Variants in NUAK2 observed in about 807,000 individuals in gnomAD.
NUAK2 encodes the protein NUAK family kinase 2.
A neutral mutation model predicts 29.8 loss-of-function variants in NUAK2; 20 were observed. The observed-to-expected ratio is 0.67, with a 90% CI of 0.47 to 0.98. The LOEUF (loss-of-function observed/expected upper bound fraction) is 0.98. NUAK2 is among the 50% of genes least tolerant of loss of function. The pLI is 0.00. For missense variants in NUAK2, 719 were observed against 834.5 expected (o/e 0.86, Z 1.71); for synonymous variants, 331 against 342.6 (o/e 0.97, Z 0.37).
chr1:205,304,331 G>C lies in NUAK2; in HGVS notation c.1006C>G (p.Leu336Val), dbSNP rs1265007144. Residue 336 changes from leucine to valine, a missense_variant, in exon 7 of 7, where the codon CTC (leucine) becomes GTC (valine). Leu to Val is a conservative substitution (Grantham distance 32). This residue lies in a region of NUAK2 where 430 missense variants were observed against 465.7 expected (regional missense o/e 0.92). Transcript: ENST00000367157. This position sits in a 1 kb window ranked among gnomAD's most constrained non-coding sequence, Gnocchi z 6.5. ...AGGAGGGGGCGGGAGGAACGCCGGA[G>C]CCAGTCAGCCATGGAGGCGCGGGCA... ...DSARASMADW[L>V]RRSSRPLLEN... 1 of 1,610,154 alleles carries C rather than the reference G, an allele frequency of 6.2e-7. No individual in the cohort carries two copies. The highest frequency in any genetic ancestry group is 8.5e-7 in the Non-Finnish European group (1 of 1,177,440).
In NUAK2 at chr1:205,303,683, C is replaced by A; in HGVS notation, c.1654G>T (p.Glu552Ter). ...AVSEDSILSSESFDQLDLPER... is the reference protein window; with the variant it reads ...AVSEDSILSS ...GGCAAGTCCAGCTGGTCAAAGGACT[C>A]AGAGGACAGGATGCTGTCCTCGCTC... The change falls in exon 7 of 7, where the codon GAG becomes TAG. Residue 552 changes from glutamate to a stop codon, truncating the protein, a stop_gained. Transcript: ENST00000367157. LOFTEE classifies it low-confidence loss of function (END_TRUNC). 6.4e-7 allele frequency: 1 copy of A among 1,553,328 alleles called. No homozygotes were observed. The highest frequency in any genetic ancestry group is 8.7e-7 in the Non-Finnish European group (1 of 1,151,278).
rs1662083294 is a variant in NUAK2 at position 205,302,183 on chromosome 1, G to GGAAATAGTT, written c.*1258_*1266dup. 6.6e-6 allele frequency: 1 copy of GGAAATAGTT among 152,472 alleles called. No individual in the cohort carries two copies. Among genetic ancestry groups the GGAAATAGTT allele is most frequent in the Non-Finnish European group, 1.5e-5 (1 of 68,014 alleles). The allele number at this position is 152,472 out of a possible 1,614,324, so 9.4% of individuals were successfully genotyped here. The stretch of plus-strand genomic sequence containing the variant: ...AGTGTGGGGGGTTGTGGGAGGAGGT[G>GGAAATAGTT]GAAATAGTTGCAAAAATATCTCTCT... On this transcript the variant is annotated 3_prime_UTR_variant, in exon 7 of 7. Coordinates refer to ENST00000367157, the MANE Select transcript of NUAK2 (RefSeq NM_030952.3).
chr1:205,320,904 T>C (rs1458484213), intron 1 of NUAK2, among the ~76,000 whole-genome samples: 1 of 152,192 alleles, frequency 6.6e-6, no homozygotes, highest in Non-Finnish European at 1.5e-5. Flanking sequence ...ACCCACCCCG[T>C]GCCAGAGCTC....
rs1251234250 is a variant in NUAK2 at position 205,304,076 on chromosome 1, C to A, written c.1261G>T (p.Gly421Trp). The A allele has an allele frequency of 3.1e-5, 50 of 1,614,060 alleles. No homozygotes were observed. In the East Asian group the frequency reaches 4.9e-4, roughly 16 times the overall value. Residue 421 changes from glycine to tryptophan, a missense_variant, in exon 7 of 7, where the codon GGG (glycine) becomes TGG (tryptophan). Gly to Trp is a radical substitution (Grantham distance 184). Transcript: ENST00000367157. The surrounding 1 kb of genome is among the most constrained non-coding windows in gnomAD (Gnocchi z 6.5). ...LKKKVSASAE[G>W]VQEDPPELSP... ...AGCTCCGGAGGGTCCTCCTGTACCC[C>A]TTCTGCAGAGGCTGACACCTTCTTC...
rs188413448 is a variant in NUAK2, at chr1:205,308,360, T to C, written c.505-130A>G. The C allele has an allele frequency of 1.8e-4, 144 of 802,290 alleles. 1 individual carries two copies. In the East Asian group the frequency reaches 2.0e-3, roughly 11 times the overall value. The allele number at this position is 802,290 out of a possible 1,614,324, so 49.7% of individuals were successfully genotyped here. On this transcript the variant is annotated intron_variant, in intron 3 of 6. Transcript: ENST00000367157. The surrounding 1 kb of genome is among the most constrained non-coding windows in gnomAD (Gnocchi z 4.1). ...TGAGCACAGGTAGGCTGGGAATGCC[T>C]ATCTTTATCGGTATGTGCTGCAAGA...
Position 205,321,724 on chromosome 1 carries a change from C to A in NUAK2, c.-96G>T, listed in dbSNP as rs753053296. The A allele has an allele frequency of 6.1e-5, 60 of 980,118 alleles. No homozygotes were observed. Among genetic ancestry groups the A allele is most frequent in the Non-Finnish European group, 8.8e-5 (58 of 656,882 alleles). The allele number at this position is 980,118 out of a possible 1,614,324, so 60.7% of individuals were successfully genotyped here. On this transcript the variant is annotated 5_prime_UTR_variant, in exon 1 of 7. Transcript: ENST00000367157. ...ACAGGTCCCGCACCAGGACGGGGAGCCACAGCAGTACCAGAGCGCGCAGTA... is the reference window on the plus strand; with the variant it reads ...ACAGGTCCCGCACCAGGACGGGGAGACACAGCAGTACCAGAGCGCGCAGTA...
chr1:205,316,705 C>T (rs1012403059), intron 1 of NUAK2, among the ~76,000 whole-genome samples: 1 of 152,178 alleles, frequency 6.6e-6, no homozygotes, highest in Non-Finnish European at 1.5e-5. Flanking sequence ...CAGAAATGGG[C>T]CACCTGCTAC....
chr1:205,314,387 C>G (rs1000065722), intron 1 of NUAK2, among the ~76,000 whole-genome samples: 1 of 152,212 alleles, frequency 6.6e-6, no homozygotes, highest in Non-Finnish European at 1.5e-5. Context: ...GGGCTATCCC[C>G]CTTCTGCTCC....
At chr1:205,313,284 G>A (rs1374761943) in intron 1 of NUAK2, among the ~76,000 whole-genome samples, 1 of 150,076 alleles carries the variant, frequency 6.7e-6, no homozygotes, top group Non-Finnish European at 1.5e-5. Flanking sequence ...AGTCTATTCA[G>A]TCCAGATGAG....
Position 205,311,798 on chromosome 1 carries a change from T to G in NUAK2, c.259A>C (p.Lys87Gln). 1 of 1,614,144 alleles carries G rather than the reference T, an allele frequency of 6.2e-7. No individual in the cohort carries two copies. Among genetic ancestry groups the G allele is most frequent in the Non-Finnish European group, 8.5e-7 (1 of 1,180,024 alleles). Residue 87 changes from lysine (K) to glutamine (Q), a missense_variant, in exon 2 of 7, where the codon AAA becomes CAA. Coordinates refer to ENST00000367157, the MANE Select transcript of NUAK2 (RefSeq NM_030952.3). ...ATCAGATCTTGCTCATCTTTGATTT[T>G]GTCCTTCCGGATTGACTTGATGGCC... ...LVAIKSIRKD[K>Q]IKDEQDLMHI...
At chr1:205,313,064 G>T (rs1159627216) in intron 1 of NUAK2, among the ~76,000 whole-genome samples, 1 of 152,156 alleles carries the variant, frequency 6.6e-6, no homozygotes, top group Admixed American at 6.5e-5. Context: ...CCAGGGACTG[G>T]GGGAGGGGAA....
chr1:205,313,401 C>T (rs1662281783), intron 1 of NUAK2, among the ~76,000 whole-genome samples: 1 of 152,156 alleles, frequency 6.6e-6, no homozygotes, highest in Non-Finnish European at 1.5e-5. Flanking sequence ...CGAAGCCCTC[C>T]AGGCAGTATG....
In NUAK2 at chr1:205,304,015, G is replaced by A. The variant is rs1439714467; in HGVS notation, c.1322C>T (p.Pro441Leu). Residue 441 changes from proline to leucine, a missense_variant, in exon 7 of 7, where the codon CCC becomes CTC. Pro to Leu is a moderately conservative substitution (Grantham distance 98, BLOSUM62 -3). Transcript: ENST00000367157. The surrounding 1 kb of genome is among the most constrained non-coding windows in gnomAD (Gnocchi z 6.5). Reference sequence around the variant, plus strand: ...GAGAATGCCCTTCTTGGGGAGCAGGGGGGCAGCCTGCCCTGGGCTCGCAGG... The same window carrying A: ...GAGAATGCCCTTCTTGGGGAGCAGGAGGGCAGCCTGCCCTGGGCTCGCAGG... ...PIPASPGQAA[P>L]LLPKKGILKK... The A allele has an allele frequency of 1.2e-6, 2 of 1,613,890 alleles. No homozygotes were observed. The highest frequency in any genetic ancestry group is 1.1e-5 in the South Asian group (1 of 91,080).
rs1222147953 is a variant in NUAK2 at position 205,302,604 on chromosome 1, G to A, written c.*846C>T. On this transcript the variant is annotated 3_prime_UTR_variant, in exon 7 of 7. Coordinates refer to ENST00000367157, the MANE Select transcript of NUAK2 (RefSeq NM_030952.3). ...TCTTACTCCTAGGCTAAATAAGGAAGGGTTAGGTGGGGCGCGGTGGCTCAC... is the reference window on the plus strand; with the variant it reads ...TCTTACTCCTAGGCTAAATAAGGAAAGGTTAGGTGGGGCGCGGTGGCTCAC... 1.3e-5 allele frequency: 2 copies of A among 152,260 alleles called. No homozygotes were observed. Among genetic ancestry groups the A allele is most frequent in the Non-Finnish European group, 2.9e-5 (2 of 68,106 alleles). The allele number at this position is 152,260 out of a possible 1,614,324, so 9.4% of individuals were successfully genotyped here.
rs752796334 is a variant in NUAK2, at chr1:205,308,661, T to C, written c.424A>G (p.Ser142Gly). 4 of 1,614,006 alleles carry C rather than the reference T, an allele frequency of 2.5e-6. No homozygotes were observed. The highest frequency in any genetic ancestry group is 3.4e-6 in the Non-Finnish European group (4 of 1,180,040). The change falls in exon 3 of 7, where the codon AGC (serine) becomes GGC (glycine). Residue 142 changes from serine (S) to glycine (G), a missense_variant. Physicochemically the swap from Ser to Gly is moderately conservative, Grantham distance 56. This residue lies in a region of NUAK2 where 283 missense variants were observed against 345.6 expected (regional missense o/e 0.82). Coordinates refer to ENST00000367157, the MANE Select transcript of NUAK2 (RefSeq NM_030952.3). This position sits in a 1 kb window ranked among gnomAD's most constrained non-coding sequence, Gnocchi z 4.1. ...ASRGDLYDYISERQQLSEREA... is the reference protein window; with the variant it reads ...ASRGDLYDYIGERQQLSEREA... Reference sequence around the variant, plus strand: ...CGCTCACTGAGCTGCTGCCGCTCGCTGATGTAGTCATAAAGGTCGCCCCGG... The same window carrying C: ...CGCTCACTGAGCTGCTGCCGCTCGCCGATGTAGTCATAAAGGTCGCCCCGG...
Position 205,303,756 on chromosome 1 carries a change from G to A in NUAK2, c.1581C>T (p.Leu527=), listed in dbSNP as rs764376102. 8.4e-6 allele frequency: 13 copies of A among 1,545,180 alleles called. No homozygotes were observed. The highest frequency in any genetic ancestry group is 5.5e-5 in the African/African-American group (4 of 72,772). Residue 527 remains leucine, a synonymous_variant, in exon 7 of 7, where the codon CTC becomes CTT. Transcript: ENST00000367157. ...APTTFGSLDE[L]APPRPLARAS... ...CCCGGGCCAGGGGGCGAGGTGGGGC[G>A]AGTTCATCCAGGGAGCCGAAGGTGG...
chr1:205,320,447 G>T (rs954547931), intron 1 of NUAK2, among the ~76,000 whole-genome samples: 1 of 152,056 alleles, frequency 6.6e-6, no homozygotes, highest in African/African-American at 2.4e-5. Context: ...TGTATTTTTA[G>T]TAGAGACGGG....
At chr1:205,313,253 A>G (rs942757151) in intron 1 of NUAK2, among the ~76,000 whole-genome samples, 5 of 151,708 alleles carry the variant, frequency 3.3e-5, no homozygotes, top group African/African-American at 9.7e-5. Context: ...TGAAGAAAAA[A>G]AAAAAAAGCC....
chr1:205,311,187 T>G (rs1662253823), intron 2 of NUAK2, among the ~76,000 whole-genome samples: 1 of 151,960 alleles, frequency 6.6e-6, no homozygotes, highest in African/African-American at 2.4e-5. Flanking sequence ...CAAGGAGAGG[T>G]AGGAGCCAGC....
Sources: allele counts gnomAD v4.1 joint callset (sites outside exome capture counted in the v4.1 genomes callset), GRCh38; gene constraint gnomAD v4.1.1; regional missense constraint gnomAD v4.1.1; non-coding constraint Gnocchi (gnomAD v3.1); transcripts MANE v1.5; gene names NCBI Gene and HGNC (gene_info 2026-07-23, HGNC 2026-07-21).